Variants in DNMT3B observed in about 807,000 individuals in gnomAD.
The protein encoded by DNMT3B is DNA (cytosine-5)-methyltransferase 3B.
DNMT3B carries 37 observed loss-of-function variants against 120.2 expected under a neutral mutation model. The observed-to-expected ratio is 0.31, with a 90% CI of 0.24 to 0.40. The LOEUF is 0.40. DNMT3B is among the 10% of genes least tolerant of loss of function. The pLI, the probability that DNMT3B is intolerant of heterozygous loss-of-function variation, is 1.00. For synonymous variants in DNMT3B, 412 were observed against 442.8 expected (o/e 0.93, Z 0.87); for missense variants, 878 against 1,137.3 (o/e 0.77, Z 3.28).
At chr20:32,782,872 A>G (rs1978793155) in intron 3 of DNMT3B, among the ~76,000 whole-genome samples, 1 of 152,116 alleles carries the variant, frequency 6.6e-6, no homozygotes, top group African/African-American at 2.4e-5. Context: ...CAACTTGGTT[A>G]TGGTGCATTT....
chr20:32,769,069 C>T (rs1380690704), intron 1 of DNMT3B, among the ~76,000 whole-genome samples: 4 of 152,258 alleles, frequency 2.6e-5, no homozygotes, highest in African/African-American at 9.6e-5. Context: ...AGTAGAACTG[C>T]ATTAAAACAC....
At position 32,808,671 on chromosome 20, in the gene DNMT3B, G is replaced by T. The variant is rs1410007076; in HGVS notation, c.*768G>T. ...AACCCTCTGGGGAGCTCAGGAAGGG[G>T]TGTGCTGAGTTCTATAATATAAGCT... On this transcript the variant is annotated 3_prime_UTR_variant, in exon 23 of 23. Transcript: ENST00000328111. 1.3e-5 allele frequency: 3 copies of T among 230,002 alleles called. No individual in the cohort carries two copies. Among genetic ancestry groups the T allele is most frequent in the East Asian group, 6.2e-5 (1 of 16,146 alleles). The allele number at this position is 230,002 out of a possible 1,614,324, so 14.2% of individuals were successfully genotyped here. A position where few individuals can be genotyped will look rare whatever the true frequency, so the allele number is the denominator to read the frequency against.
chr20:32,783,852 A>G (rs774238606), intron 3 of DNMT3B, among the ~76,000 whole-genome samples: 4 of 151,704 alleles, frequency 2.6e-5, no homozygotes, highest in Admixed American at 6.6e-5. Flanking sequence ...CAGCCTCCCA[A>G]GTAGCTGGGC....
At chr20:32,790,277 A>G (rs976645634) in intron 7 of DNMT3B, among the ~76,000 whole-genome samples, 1 of 152,194 alleles carries the variant, frequency 6.6e-6, no homozygotes, top group Non-Finnish European at 1.5e-5. Context: ...GCTTCCAGGG[A>G]TGGGAGAGCA....
rs781115406 is a variant in DNMT3B at position 32,780,399 on chromosome 20, G to C, written c.76G>C (p.Ala26Pro). The change falls in exon 2 of 23, where the codon GCC becomes CCC. Residue 26 changes from alanine to proline, a missense_variant. By Grantham distance (27) the Ala-to-Pro change is conservative. Transcript: ENST00000328111. ...GREDSILVNG[A>P]CSDQSSDSPP... ...GGAAGACTCGATCCTCGTCAACGGG[G>C]CCTGCAGCGACCAGTCCTCCGACTC... 1.2e-6 allele frequency: 2 copies of C among 1,613,878 alleles called. No individual in the cohort carries two copies. Among genetic ancestry groups the C allele is most frequent in the Admixed American group, 1.7e-5 (1 of 60,020 alleles).
intron 1 of DNMT3B, chr20:32,780,083 C>T: frequency 6.2e-7 from 1 of 1,611,036 alleles, no homozygotes; most frequent in African/African-American, 1.3e-5. Context: ...GTCCTGGGTG[C>T]TGGCGTCTGA....
rs3835238 is a variant in DNMT3B, at chr20:32,781,330, AC to A, written c.143-22del. 0.45 allele frequency: 720,216 copies of A among 1,612,974 alleles called. 171,063 individuals carry two copies. Among genetic ancestry groups the A allele is most frequent in the East Asian group, 0.92 (41,069 of 44,856 alleles). ...ACTGGTGCCTGCCCCCACAAAACAG[AC>A]TCCTGGCTGTTTCCTCTACAGGCCG... On this transcript the variant is annotated intron_variant, in intron 2 of 22. Transcript: ENST00000328111.
chr20:32,772,154 A>C lies in DNMT3B; in HGVS notation c.-6-8164A>C, dbSNP rs899894443. On this transcript the variant is annotated intron_variant, in intron 1 of 22. Coordinates refer to ENST00000328111, the MANE Select transcript of DNMT3B (RefSeq NM_006892.4). ...TTTGATTGCAGTGTTTGCTATGACA[A>C]ATGGGACTGCAGCAACCCCCTTGCA... Among the ~76,000 whole-genome samples the C allele has an allele frequency of 2.0e-5, 3 of 152,304 alleles. No individual in the cohort carries two copies. The East Asian group carries it at 5.8e-4, about 29-fold the overall frequency.
chr20:32,798,302 G>T (rs1431193570), intron 14 of DNMT3B, among the ~76,000 whole-genome samples, 158 bp from the exon 15 acceptor site: 1 of 152,190 alleles, frequency 6.6e-6, no homozygotes, highest in African/African-American at 2.4e-5. Flanking sequence ...CGTCAGGGAA[G>T]CCCGTACTGC....
At chr20:32,786,658 C>G (rs776348561) in intron 5 of DNMT3B, 31 bp downstream of exon 5, 1 of 1,613,160 alleles carries the variant, frequency 6.2e-7, no homozygotes, top group Non-Finnish European at 8.5e-7. Flanking sequence ...GACCCCTGCC[C>G]GCAGTCTCTA....
intron 9 of DNMT3B, 23 bp downstream of exon 9, chr20:32,792,793 G>A: frequency 6.2e-7 from 1 of 1,613,686 alleles, no homozygotes; most frequent in South Asian, 1.1e-5. Context: ...CCCCATGGCA[G>A]CACCCGCTGC....
At chr20:32,804,852 C>T (rs1027535160) in intron 20 of DNMT3B, among the ~76,000 whole-genome samples, 10 of 152,026 alleles carry the variant, frequency 6.6e-5, no homozygotes, top group South Asian at 2.1e-4. Flanking sequence ...CCACTGCAGG[C>T]GGTTGCCATT....
intron 3 of DNMT3B, among the ~76,000 whole-genome samples, chr20:32,783,747 CAG>C (rs888223998): frequency 4.8e-4 from 73 of 152,086 alleles, no homozygotes; most frequent in African/African-American, 1.7e-3. Flanking sequence ...TGTTTTGAGA[CAG>C]AGTCTCCAGT....
At chr20:32,800,108 G>A in intron 16 of DNMT3B, 45 bp from the exon 17 acceptor site, 1 of 1,613,184 alleles carries the variant, frequency 6.2e-7, no homozygotes, top group Non-Finnish European at 8.5e-7. Flanking sequence ...GAGCTGCTGT[G>A]TGCTCAGCAT....
In DNMT3B at chr20:32,809,034, A is replaced by G. The variant is rs1383455211; in HGVS notation, c.*1131A>G. On this transcript the variant is annotated 3_prime_UTR_variant, in exon 23 of 23. Coordinates refer to ENST00000328111, the MANE Select transcript of DNMT3B (RefSeq NM_006892.4). Reference sequence around the variant, plus strand: ...CCATAAGAAGTCGTTTTTAGGGAGAACGGGAATTCAGACAAGCTGCATTTC... The same window carrying G: ...CCATAAGAAGTCGTTTTTAGGGAGAGCGGGAATTCAGACAAGCTGCATTTC... 1 of 216,484 alleles carries G rather than the reference A, an allele frequency of 4.6e-6. No homozygotes were observed. Among genetic ancestry groups the G allele is most frequent in the East Asian group, 6.9e-5 (1 of 14,530 alleles). The allele number at this position is 216,484 out of a possible 1,614,324, so 13.4% of individuals were successfully genotyped here.
intron 21 of DNMT3B, among the ~76,000 whole-genome samples, chr20:32,805,976 G>A (rs1319010690): frequency 6.6e-6 from 1 of 152,024 alleles, no homozygotes; most frequent in East Asian, 1.9e-4. Flanking sequence ...GCATTTGTGG[G>A]AAGCACAAAA....
rs186109148 is a variant in DNMT3B, at chr20:32,798,733, G to A, written c.1674+90G>A. The A allele has an allele frequency of 2.6e-4, 406 of 1,563,878 alleles. 1 individual carries two copies. The African/African-American group carries it at 5.2e-3, about 20-fold the overall frequency. ...GGAATTCTCAGAAAGAGTAATAGAA[G>A]TAAAGACACGTTGTACCTCTTGGAG... is the stretch of plus-strand genomic sequence containing the variant. On this transcript the variant is annotated intron_variant, in intron 15 of 22. Coordinates refer to ENST00000328111, the MANE Select transcript of DNMT3B (RefSeq NM_006892.4).
intron 18 of DNMT3B, 129 bp downstream of exon 18, chr20:32,801,054 G>A: frequency 8.0e-7 from 1 of 1,255,426 alleles, no homozygotes; most frequent in South Asian, 1.2e-5. Context: ...GCCTGTTGGT[G>A]CTGCCTACGC....
chr20:32,795,315 C>T (rs1980469455), intron 10 of DNMT3B, 94 bp from the exon 11 acceptor site: 1 of 1,595,952 alleles, frequency 6.3e-7, no homozygotes, highest in Admixed American at 1.7e-5. Context: ...CCAATTGCAG[C>T]TGGTACCCAG....
Sources: allele counts gnomAD v4.1 joint callset (sites outside exome capture counted in the v4.1 genomes callset), GRCh38; gene constraint gnomAD v4.1.1; transcripts MANE v1.5; gene names NCBI Gene and HGNC (gene_info 2026-07-23, HGNC 2026-07-21).